ADAMTS17: variants seen among roughly 807,000 people sequenced by gnomAD.
The protein encoded by ADAMTS17 is A disintegrin and metalloproteinase with thrombospondin motifs 17.
ADAMTS17 carries 113 observed loss-of-function variants against 141.5 expected under a neutral mutation model. The ratio of observed to expected loss-of-function variants is 0.80; its 90% CI spans 0.69 to 0.93. The LOEUF is 0.93. Ranked by LOEUF, ADAMTS17 falls within the 40% of genes least tolerant of loss-of-function variation. ADAMTS17 has a pLI of 0.00. For missense variants in ADAMTS17, 1,659 were observed against 1,517.9 expected (o/e 1.09, Z -1.54); for synonymous variants, 768 against 630.6 (o/e 1.22, Z -3.27).
At chr15:100,280,994 C>A (rs1008454417) in intron 4 of ADAMTS17, among the ~76,000 whole-genome samples, 8 of 152,188 alleles carry the variant, frequency 5.3e-5, no homozygotes, top group Non-Finnish European at 1.0e-4. Flanking sequence ...CATCACTGAG[C>A]AGATCTGGGC....
chr15:100,145,213 C>G (rs1465877933), intron 10 of ADAMTS17, among the ~76,000 whole-genome samples: 1 of 152,172 alleles, frequency 6.6e-6, no homozygotes, highest in East Asian at 1.9e-4. Context: ...CACAGCAACA[C>G]CAGTGAGGGG....
chr15:100,063,703 C>T, intron 15 of ADAMTS17: 1 of 1,289,956 alleles, frequency 7.8e-7, no homozygotes, highest in African/African-American at 1.5e-5. Context: ...GCAGGTTTAT[C>T]CTCCACCACA....
intron 8 of ADAMTS17, among the ~76,000 whole-genome samples, chr15:100,187,699 A>C (rs772383917): frequency 6.6e-6 from 1 of 152,062 alleles, no homozygotes; most frequent in Non-Finnish European, 1.5e-5. Context: ...TGACCTGCCA[A>C]CTCCCTATTT....
chr15:100,132,231 G>T, intron 11 of ADAMTS17, 79 bp from the exon 12 acceptor site: 1 of 1,548,014 alleles, frequency 6.5e-7, no homozygotes, highest in Non-Finnish European at 8.7e-7. Context: ...CCAAAATGCC[G>T]TGCTGCCAAA....
chr15:100,333,368 G>A (rs574455762), intron 2 of ADAMTS17, among the ~76,000 whole-genome samples: 13 of 152,104 alleles, frequency 8.5e-5, no homozygotes, highest in Non-Finnish European at 1.6e-4. Flanking sequence ...TCTCATCCCC[G>A]GCTACCTATT....
intron 12 of ADAMTS17, among the ~76,000 whole-genome samples, chr15:100,121,682 C>A (rs894481784): frequency 1.6e-4 from 25 of 151,954 alleles, no homozygotes; most frequent in Admixed American, 1.4e-3. Context: ...ACCTGCATTA[C>A]AATAAATGCT....
chr15:99,977,851 A>T (rs898037623), intron 20 of ADAMTS17, among the ~76,000 whole-genome samples: 1 of 152,004 alleles, frequency 6.6e-6, no homozygotes, highest in African/African-American at 2.4e-5. Flanking sequence ...TCTCCCTTAC[A>T]TTGGCCTCTT....
rs116965392 is a variant in ADAMTS17, at chr15:100,292,293, A to G, written c.617-10892T>C. Among the ~76,000 whole-genome samples, 762 of 140,914 alleles carry G rather than the reference A, an allele frequency of 5.4e-3. 6 individuals carry two copies. Among genetic ancestry groups the G allele is most frequent in the East Asian group, 0.033 (143 of 4,312 alleles). 92.4% of individuals were successfully genotyped at this position (140,914 alleles called of 152,430 possible). A position where few individuals can be genotyped will look rare whatever the true frequency, so the allele number is the denominator to read the frequency against. On this transcript the variant is annotated intron_variant, in intron 3 of 21. Coordinates refer to ENST00000268070, the MANE Select transcript of ADAMTS17 (RefSeq NM_139057.4). ...CAGCCCGTGAGAATCTACGAGAGAC[A>G]CTCAGCCCGTGTGAAACTACGAGAG...
At chr15:100,281,782 A>G (rs2044293032) in intron 3 of ADAMTS17, among the ~76,000 whole-genome samples, 1 of 152,184 alleles carries the variant, frequency 6.6e-6, no homozygotes, top group South Asian at 2.1e-4. Context: ...GGCCACACCC[A>G]AGGTGGATAA....
At position 100,134,442 on chromosome 15, in the gene ADAMTS17, A is replaced by G. The variant is rs374203460; in HGVS notation, c.1474-1127T>C. On this transcript the variant is annotated intron_variant, in intron 10 of 21. Coordinates refer to ENST00000268070, the MANE Select transcript of ADAMTS17 (RefSeq NM_139057.4). ...GATGACAAACCCAATCATGGCTAAA[A>G]GGCCCAAGTTGGAGCAGGAAGACAT... Among the ~76,000 whole-genome samples the G allele has an allele frequency of 1.6e-4, 24 of 152,334 alleles. No homozygotes were observed. The South Asian group carries it at 4.8e-3, about 30-fold the overall frequency.
At chr15:100,011,304 A>G (rs1430811249) in intron 18 of ADAMTS17, among the ~76,000 whole-genome samples, 8 of 71,302 alleles carry the variant, frequency 1.1e-4, no homozygotes, top group South Asian at 5.5e-4. Flanking sequence ...GAGGGAGGGG[A>G]GGGAAGGAAA....
rs1415735705 is a variant in ADAMTS17 at position 99,974,169 on chromosome 15, G to A, written c.*233C>T. ...GGTACCTGAAATCCTAGAAATTGAAGTTACTTTGTGACTCATGCCTACTTT... is the reference window on the plus strand; with the variant it reads ...GGTACCTGAAATCCTAGAAATTGAAATTACTTTGTGACTCATGCCTACTTT... On this transcript the variant is annotated 3_prime_UTR_variant, in exon 22 of 22. Transcript: ENST00000268070. 1.7e-6 allele frequency: 1 copy of A among 580,768 alleles called. No homozygotes were observed. The highest frequency in any genetic ancestry group is 2.9e-5 in the East Asian group (1 of 34,136). The allele number at this position is 580,768 out of a possible 1,614,324, so 36.0% of individuals were successfully genotyped here.
At chr15:100,313,469 C>A (rs551169980) in intron 3 of ADAMTS17, among the ~76,000 whole-genome samples, 1 of 152,224 alleles carries the variant, frequency 6.6e-6, no homozygotes, top group African/African-American at 2.4e-5. Flanking sequence ...GATTTGATAC[C>A]CATGTCCAAT....
rs542123020 is a variant in ADAMTS17, at chr15:99,991,503, T to A, written c.2949+1545A>T. 2.0e-5 allele frequency among the ~76,000 whole-genome samples: 3 copies of A among 152,290 alleles called. No homozygotes were observed. In the South Asian group the frequency reaches 6.2e-4, roughly 32 times the overall value. On this transcript the variant is annotated intron_variant, in intron 20 of 21. Coordinates refer to ENST00000268070, the MANE Select transcript of ADAMTS17 (RefSeq NM_139057.4). ...CTCACGCCAGTTAGAATGGTGATCATTAAAAAGTCAGGAAACAACAGATGC... is the reference window on the plus strand; with the variant it reads ...CTCACGCCAGTTAGAATGGTGATCAATAAAAAGTCAGGAAACAACAGATGC...
intron 10 of ADAMTS17, among the ~76,000 whole-genome samples, chr15:100,147,387 A>C (rs2038958903): frequency 6.6e-6 from 1 of 152,178 alleles, no homozygotes; most frequent in Non-Finnish European, 1.5e-5. Flanking sequence ...AACATCATAG[A>C]GTGCACAAAC....
intron 17 of ADAMTS17, among the ~76,000 whole-genome samples, chr15:100,050,073 G>A (rs2032021756): frequency 6.6e-6 from 1 of 152,204 alleles, no homozygotes; most frequent in Non-Finnish European, 1.5e-5. Flanking sequence ...ATGTAGGGAT[G>A]ACTCGAAATC....
chr15:100,266,211 C>T (rs1160193664), intron 4 of ADAMTS17, among the ~76,000 whole-genome samples: 2 of 152,204 alleles, frequency 1.3e-5, no homozygotes, highest in Non-Finnish European at 2.9e-5. Flanking sequence ...GGTATCAGCA[C>T]CACCTGCTTC....
chr15:100,101,771 C>G (rs1217079604), intron 14 of ADAMTS17, among the ~76,000 whole-genome samples: 3 of 152,336 alleles, frequency 2.0e-5, no homozygotes, highest in South Asian at 2.1e-4. Flanking sequence ...TTTGATGGTA[C>G]TTGTTTTTTC....
At chr15:100,019,446 C>G (rs1466376170) in intron 18 of ADAMTS17, among the ~76,000 whole-genome samples, 1 of 152,172 alleles carries the variant, frequency 6.6e-6, no homozygotes, top group Non-Finnish European at 1.5e-5. Flanking sequence ...AATCTCGGTA[C>G]TTTTCTGTAC....
Sources: gnomAD v4.1 joint callset for allele counts (sites outside exome capture counted in the v4.1 genomes callset) on GRCh38, gnomAD v4.1.1 for gene constraint, MANE v1.5 for transcripts, NCBI Gene and HGNC (gene_info 2026-07-23, HGNC 2026-07-21) for gene names.